TTC14: variants seen among roughly 807,000 people sequenced by gnomAD.
TTC14 encodes tetratricopeptide repeat protein 14.
TTC14 carries 63 observed loss-of-function variants against 79.9 expected under a neutral mutation model. The ratio of observed to expected loss-of-function variants is 0.79; its 90% CI spans 0.64 to 0.97. The LOEUF (loss-of-function observed/expected upper bound fraction) is 0.97. TTC14 is among the 50% of genes least tolerant of loss of function. The pLI is 0.00. For synonymous variants in TTC14, 335 were observed against 309.6 expected (o/e 1.08, Z -0.86); for missense variants, 895 against 894.0 (o/e 1.00, Z -0.01).
At position 180,609,706 on chromosome 3, in the gene TTC14, TC is replaced by T. The variant is rs1471665116; in HGVS notation, c.1479del (p.Ser494LeufsTer35). ...SADESVSSSS[S>X]SSSSGHKRHK... The stretch of plus-strand genomic sequence containing the variant: ...TGATGAATCAGTGTCTTCATCATCA[TC>T]CTCTTCCTCTTCTGGTCACAAAAGG... On this transcript the variant is annotated frameshift_variant, in exon 12 of 12. Transcript: ENST00000296015. LOFTEE classifies it high-confidence loss of function. 3.1e-6 allele frequency: 5 copies of T among 1,612,144 alleles called. No individual in the cohort carries two copies. The highest frequency in any genetic ancestry group is 4.2e-6 in the Non-Finnish European group (5 of 1,179,550).
chr3:180,613,354 G>C (rs774199795), downstream of TTC14, among the ~76,000 whole-genome samples: 16 of 152,124 alleles, frequency 1.1e-4, no homozygotes, highest in African/African-American at 3.9e-4. Context: ...ATCCCCTGTC[G>C]CACCATTTGT....
At chr3:180,603,811 T>C (rs1716521959) in intron 3 of TTC14, 1 of 223,214 alleles carries the variant, frequency 4.5e-6, no homozygotes. Flanking sequence ...GATAAAAGAT[T>C]GGGTATTTGC....
rs1450055992 is a variant in TTC14, at chr3:180,606,266, G to C, written c.943G>C (p.Val315Leu). 1 of 1,614,062 alleles carries C rather than the reference G, an allele frequency of 6.2e-7. No homozygotes were observed. The highest frequency in any genetic ancestry group is 1.1e-5 in the South Asian group (1 of 91,078). ...TGTCTTTTTTAGTGTGAAGATCGGA[G>C]TTGACTATTTTAAAGTTGGACGCCA... is the stretch of plus-strand genomic sequence containing the variant. ...SWALKCVKIG[V>L]DYFKVGRHVD... Residue 315 changes from valine to leucine, a missense_variant, in exon 8 of 12, where the codon GTT becomes CTT. Physicochemically the swap from Val to Leu is conservative, Grantham distance 32. Transcript: ENST00000296015.
rs778363548 is a variant in TTC14 at position 180,607,634 on chromosome 3, T to A, written c.1173-14T>A. On this transcript the variant is annotated splice_polypyrimidine_tract_variant and intron_variant, in intron 9 of 11. Transcript: ENST00000296015. ...TGTTTTTACAAAAAAGCTAAATCTTTCTTTCAAATTTAGGTTAGAAGAAGA... is the reference window on the plus strand; with the variant it reads ...TGTTTTTACAAAAAAGCTAAATCTTACTTTCAAATTTAGGTTAGAAGAAGA... 6.3e-7 allele frequency: 1 copy of A among 1,595,322 alleles called. No individual in the cohort carries two copies. The highest frequency in any genetic ancestry group is 8.5e-7 in the Non-Finnish European group (1 of 1,173,534).
At chr3:180,615,019 T>G (rs1717176978), downstream of TTC14, 2 of 1,559,344 alleles carry the variant, frequency 1.3e-6, no homozygotes, top group Admixed American at 3.9e-5. Context: ...GCCGGGAATT[T>G]AAGCTCCAGT....
At chr3:180,613,404 T>C (rs1717101473), downstream of TTC14, among the ~76,000 whole-genome samples, 1 of 152,208 alleles carries the variant, frequency 6.6e-6, no homozygotes, top group African/African-American at 2.4e-5. Context: ...TATTTAAGGA[T>C]TAAATGTAGA....
chr3:180,610,230 G>A lies in TTC14; in HGVS notation c.2001G>A (p.Arg667=). Residue 667 remains arginine, a synonymous_variant, in exon 12 of 12, where the codon AGG becomes AGA. Transcript: ENST00000296015. ...HYRRWEPGSV[R]HSTSPASSEY... ...GAAGGTGGGAACCAGGTTCTGTGAG[G>A]CATTCTACCTCACCAGCAAGCTCAG... is the stretch of plus-strand genomic sequence containing the variant. 6.2e-7 allele frequency: 1 copy of A among 1,613,960 alleles called. No individual in the cohort carries two copies. The highest frequency in any genetic ancestry group is 8.5e-7 in the Non-Finnish European group (1 of 1,179,930).
downstream of TTC14, chr3:180,611,174 A>C (rs1288152944): frequency 1.0e-6 from 1 of 985,330 alleles, no homozygotes; most frequent in Non-Finnish European, 1.2e-6. Flanking sequence ...AAGATCATAA[A>C]AGTTGAATAG....
At chr3:180,605,897 A>G in intron 7 of TTC14, 60 bp downstream of exon 7, 1 of 1,495,352 alleles carries the variant, frequency 6.7e-7, no homozygotes, top group Non-Finnish European at 9.1e-7. Flanking sequence ...AGGGCAAGGC[A>G]AGCATGCTTA....
chr3:180,602,536 G>T, intron 1 of TTC14, 114 bp downstream of exon 1: 9 of 1,363,776 alleles, frequency 6.6e-6, no homozygotes, highest in Non-Finnish European at 8.8e-6. Flanking sequence ...GTGAGCACAG[G>T]ACGATCGCGC....
At position 180,609,699 on chromosome 3, in the gene TTC14, A is replaced by C; in HGVS notation, c.1470A>C (p.Ser490=). The C allele has an allele frequency of 1.2e-6, 2 of 1,610,246 alleles. No homozygotes were observed. Among genetic ancestry groups the C allele is most frequent in the Admixed American group, 1.7e-5 (1 of 59,004 alleles). Residue 490 remains serine, a synonymous_variant, in exon 12 of 12, where the codon TCA becomes TCC. Transcript: ENST00000296015. ...SVSSADESVS[S]SSSSSSSGHK... Reference sequence around the variant, plus strand: ...CTTCTGCTGATGAATCAGTGTCTTCATCATCATCCTCTTCCTCTTCTGGTC... The same window carrying C: ...CTTCTGCTGATGAATCAGTGTCTTCCTCATCATCCTCTTCCTCTTCTGGTC...
chr3:180,610,455 TAAG>T lies in TTC14; in HGVS notation c.2229_2231del (p.Lys744del). 2 of 1,609,468 alleles carry T rather than the reference TAAG, an allele frequency of 1.2e-6. No individual in the cohort carries two copies. The highest frequency in any genetic ancestry group is 8.5e-7 in the Non-Finnish European group (1 of 1,178,830). ...GCAAAGAACACTCAGAAAGCAGTGT[TAAG>T]AAAAATTTACCTCAGAATTTACTGA... On this transcript the variant is annotated inframe_deletion, in exon 12 of 12. Coordinates refer to ENST00000296015, the MANE Select transcript of TTC14 (RefSeq NM_133462.4).
chr3:180,603,298 G>C lies in TTC14; in HGVS notation c.461G>C (p.Arg154Thr). The change falls in exon 3 of 12, where the codon AGA becomes ACA. Residue 154 changes from arginine to threonine, a missense_variant. Physicochemically the swap from Arg to Thr is moderately conservative, Grantham distance 71. Transcript: ENST00000296015. Reference protein sequence around the residue: ...VLICLGSGIMRDIAHLEITAL... With the variant: ...VLICLGSGIMTDIAHLEITAL... ...ATCTGTTTAGGAAGTGGTATCATGA[G>C]AGATATAGCCCACTTAGAAATCACA... 4 of 1,613,816 alleles carry C rather than the reference G, an allele frequency of 2.5e-6. No homozygotes were observed. Among genetic ancestry groups the C allele is most frequent in the Non-Finnish European group, 3.4e-6 (4 of 1,179,914 alleles).
intron 10 of TTC14, chr3:180,607,970 G>T: frequency 2.3e-6 from 3 of 1,305,140 alleles, no homozygotes; most frequent in Non-Finnish European, 2.9e-6. Flanking sequence ...ATAGCTGTGA[G>T]AAAACTATTA....
Position 180,603,208 on chromosome 3 carries a change from A to G in TTC14, c.371A>G (p.Glu124Gly). 1 of 1,613,954 alleles carries G rather than the reference A, an allele frequency of 6.2e-7. No individual in the cohort carries two copies. The highest frequency in any genetic ancestry group is 8.5e-7 in the Non-Finnish European group (1 of 1,179,996). The change falls in exon 3 of 12, where the codon GAG becomes GGG. Residue 124 changes from glutamate to glycine, a missense_variant. Transcript: ENST00000296015. ...AGAGAGCTGTTTTTCCGAGATATTG[A>G]GCGTGGTGATATAGTGATTGGAAGA... ...DRRELFFRDI[E>G]RGDIVIGRIS...
chr3:180,604,619 G>A lies in TTC14; in HGVS notation c.701+12G>A, dbSNP rs367883666. 5.0e-5 allele frequency: 80 copies of A among 1,590,028 alleles called. No individual in the cohort carries two copies. The highest frequency in any genetic ancestry group is 8.2e-5 in the African/African-American group (6 of 73,456). ...CCTTTATACTACAGGTAATTTATCC[G>A]TATTATTTCAACAACAGTTCATTAC... On this transcript the variant is annotated intron_variant, in intron 5 of 11. Transcript: ENST00000296015.
intron 9 of TTC14, among the ~76,000 whole-genome samples, chr3:180,607,047 T>C (rs1716738900): frequency 6.6e-6 from 1 of 152,310 alleles, no homozygotes; most frequent in East Asian, 1.9e-4. Flanking sequence ...CATCTTTGAC[T>C]TGTCCTTTGT....
downstream of TTC14, chr3:180,615,133 C>T (rs375085058): frequency 4.5e-6 from 6 of 1,321,674 alleles, no homozygotes; most frequent in East Asian, 8.0e-5. Flanking sequence ...TTAGTATAGA[C>T]CCTCTCATTA....
chr3:180,604,739 A>G, intron 5 of TTC14, 113 bp from the exon 6 acceptor site: 1 of 1,415,622 alleles, frequency 7.1e-7, no homozygotes, highest in South Asian at 1.4e-5. Context: ...TTGCCACACC[A>G]TCTTATGCAA....
Sources: allele counts gnomAD v4.1 joint callset (sites outside exome capture counted in the v4.1 genomes callset), GRCh38; gene constraint gnomAD v4.1.1; transcripts MANE v1.5; gene names NCBI Gene and HGNC (gene_info 2026-07-23, HGNC 2026-07-21).